EPM2A: variants seen among roughly 807,000 people sequenced by gnomAD.
The protein encoded by EPM2A is laforin.
EPM2A carries 21 observed loss-of-function variants against 26.5 expected under a neutral mutation model. The observed-to-expected ratio is 0.79, with a 90% confidence interval of 0.56 to 1.14. EPM2A has a LOEUF of 1.14. EPM2A is among the 50% of genes most tolerant of loss of function. The pLI is 0.00. For synonymous variants in EPM2A, 217 were observed against 177.6 expected (o/e 1.22, Z -1.76); for missense variants, 458 against 440.8 (o/e 1.04, Z -0.35).
At chr6:145,419,179 G>GCCCCCCC (rs1266559813) in intron 4 of EPM2A, among the ~76,000 whole-genome samples, 1 of 136,210 alleles carries the variant, frequency 7.3e-6, no homozygotes. Context: ...TCTGTTAAAT[G>GCCCCCCC]TCCCCCCCCC....
At chr6:145,388,803 G>A (rs1422229594) in intron 4 of EPM2A, among the ~76,000 whole-genome samples, 1 of 152,076 alleles carries the variant, frequency 6.6e-6, no homozygotes, top group Non-Finnish European at 1.5e-5. Context: ...TGAGAATGAT[G>A]GTTTCCAGCT....
At chr6:145,681,104 T>A (rs1443042006) in intron 2 of EPM2A, among the ~76,000 whole-genome samples, 5 of 152,236 alleles carry the variant, frequency 3.3e-5, no homozygotes, top group Admixed American at 1.3e-4. Flanking sequence ...TGAGATGGTA[T>A]CTAATTGTGG....
intron 4 of EPM2A, among the ~76,000 whole-genome samples, chr6:145,471,063 G>C (rs1360281647): frequency 6.6e-6 from 1 of 152,114 alleles, no homozygotes; most frequent in East Asian, 1.9e-4. Flanking sequence ...GGCAATGGCA[G>C]AAACACAAGA....
At chr6:145,469,859 G>T (rs143036333) in intron 4 of EPM2A, among the ~76,000 whole-genome samples, 8 of 152,214 alleles carry the variant, frequency 5.3e-5, no homozygotes, top group African/African-American at 1.4e-4. Flanking sequence ...ATGAGATTCT[G>T]TTATTTACAA....
chr6:145,515,900 C>A (rs1049663233), intron 2 of EPM2A, among the ~76,000 whole-genome samples: 1 of 152,166 alleles, frequency 6.6e-6, no homozygotes, highest in African/African-American at 2.4e-5. Context: ...TCCAAAGAAA[C>A]CTGCCTCCAT....
intron 4 of EPM2A, among the ~76,000 whole-genome samples, chr6:145,385,030 A>G (rs971916885): frequency 2.0e-5 from 3 of 148,144 alleles, no homozygotes; most frequent in Non-Finnish European, 4.5e-5. Flanking sequence ...GGAAATGTAA[A>G]TAGCATCGCA....
intron 2 of EPM2A, among the ~76,000 whole-genome samples, chr6:145,655,360 A>G (rs1778198312): frequency 6.6e-6 from 1 of 152,190 alleles, no homozygotes; most frequent in South Asian, 2.1e-4. Flanking sequence ...TGTACCTTCT[A>G]TGACCAAGAA....
chr6:145,594,273 T>G (rs1781311567), intron 2 of EPM2A, among the ~76,000 whole-genome samples: 1 of 151,832 alleles, frequency 6.6e-6, no homozygotes, highest in Non-Finnish European at 1.5e-5. Flanking sequence ...TTTAAAAAAT[T>G]AAATCAATAA....
intron 3 of EPM2A, chr6:145,631,680 A>T (rs1382494294): frequency 2.0e-5 from 3 of 152,270 alleles, no homozygotes; most frequent in African/African-American, 7.2e-5. Flanking sequence ...TCCTGAAAGC[A>T]CTATTGAGCC....
intron 2 of EPM2A, among the ~76,000 whole-genome samples, chr6:145,566,465 T>C (rs1467272405): frequency 6.6e-6 from 1 of 152,184 alleles, no homozygotes; most frequent in Non-Finnish European, 1.5e-5. Context: ...CGGGTCTGAG[T>C]CTGTTCTCTC....
At chr6:145,527,608 ATG>A (rs746444624) in intron 2 of EPM2A, among the ~76,000 whole-genome samples, 1 of 151,548 alleles carries the variant, frequency 6.6e-6, no homozygotes, top group South Asian at 2.1e-4. Flanking sequence ...TCCTCTGCTC[ATG>A]TGTGTGTGTG....
At chr6:145,688,366 G>C (rs1343862097) in intron 1 of EPM2A, among the ~76,000 whole-genome samples, 2 of 152,166 alleles carry the variant, frequency 1.3e-5, no homozygotes, top group Non-Finnish European at 2.9e-5. Context: ...TGATTAATTG[G>C]AAAAGGAAGG....
chr6:145,627,737 C>T, intron 3 of EPM2A, 44 bp from the exon 4 acceptor site: 3 of 1,602,202 alleles, frequency 1.9e-6, no homozygotes, highest in Non-Finnish European at 2.6e-6. Context: ...AACTAAACCA[C>T]CAGATACCGC....
chr6:145,713,206 A>G (rs1007587074), intron 1 of EPM2A, among the ~76,000 whole-genome samples: 2 of 152,184 alleles, frequency 1.3e-5, no homozygotes, highest in Admixed American at 6.5e-5. Flanking sequence ...CGTGCATTTC[A>G]CACTAAAAGC....
At chr6:145,419,272 T>C (rs1417697298) in intron 4 of EPM2A, among the ~76,000 whole-genome samples, 5 of 151,092 alleles carry the variant, frequency 3.3e-5, no homozygotes, top group Admixed American at 1.3e-4. Context: ...AAGCGTGTTA[T>C]AGCCCTCAGA....
At chr6:145,711,340 G>C (rs1368985599) in intron 1 of EPM2A, among the ~76,000 whole-genome samples, 1 of 152,186 alleles carries the variant, frequency 6.6e-6, no homozygotes, top group Non-Finnish European at 1.5e-5. Flanking sequence ...GCCTACAAAA[G>C]TTCTACGTTT....
intron 1 of EPM2A, among the ~76,000 whole-genome samples, chr6:145,731,428 T>C (rs1165032629): frequency 1.3e-5 from 2 of 152,124 alleles, no homozygotes; most frequent in Non-Finnish European, 2.9e-5. Flanking sequence ...GAAAAAACAA[T>C]TGACTACAGA....
chr6:145,459,620 T>C (rs986287976), intron 4 of EPM2A, among the ~76,000 whole-genome samples: 15 of 152,312 alleles, frequency 9.8e-5, no homozygotes, highest in Middle Eastern at 6.8e-3. Context: ...CCCAAATATT[T>C]ATGCTCTTAC....
At chr6:145,685,378 C>T (rs1184378354) in intron 2 of EPM2A, among the ~76,000 whole-genome samples, 1 of 152,016 alleles carries the variant, frequency 6.6e-6, no homozygotes, top group African/African-American at 2.4e-5. Context: ...TGGAACTTCT[C>T]AAAAAATGCC....
Sources: allele counts gnomAD v4.1 joint callset (sites outside exome capture counted in the v4.1 genomes callset), GRCh38; gene constraint gnomAD v4.1.1; transcripts MANE v1.5; gene names NCBI Gene and HGNC (gene_info 2026-07-23, HGNC 2026-07-21).